CLNK: variants seen among roughly 807,000 people sequenced by gnomAD.
CLNK encodes the protein cytokine dependent hematopoietic cell linker.
Under a neutral mutation model 68.6 loss-of-function variants are expected in CLNK, and 74 were observed. The ratio of observed to expected loss-of-function variants is 1.08; its 90% CI spans 0.89 to 1.31. The LOEUF (loss-of-function observed/expected upper bound fraction) is 1.31. Among genes scored for constraint, CLNK ranks in the 50% most tolerant of loss-of-function variants. The pLI is 0.00. For synonymous variants in CLNK, 198 were observed against 172.2 expected (o/e 1.15, Z -1.17); for missense variants, 553 against 515.3 (o/e 1.07, Z -0.71).
At chr4:10,714,683 GGTGTGTGTGTGT>G in the CLNK span, among the ~76,000 whole-genome samples, 2 of 148,550 alleles carry the variant, frequency 1.3e-5, no homozygotes, top group African/African-American at 5.0e-5. Context: ...CATTCATTGT[GGTGTGTGTGTGT>G]GTGTGTGTGT....
chr4:10,691,885 T>G, the CLNK span, among the ~76,000 whole-genome samples: 1 of 152,148 alleles, frequency 6.6e-6, no homozygotes, highest in Non-Finnish European at 1.5e-5. Flanking sequence ...ATGTGATTAT[T>G]AATCTATGGG....
intron 13 of CLNK, among the ~76,000 whole-genome samples, chr4:10,526,166 A>T (rs1368778079): frequency 6.6e-6 from 1 of 151,968 alleles, no homozygotes; most frequent in Non-Finnish European, 1.5e-5. Context: ...ACATCATTGA[A>T]CCTCCCAAAA....
intron 2 of CLNK, among the ~76,000 whole-genome samples, chr4:10,634,841 C>G (rs948583985): frequency 6.8e-6 from 1 of 146,638 alleles, no homozygotes. Context: ...GAAAAAAAAT[C>G]TTTGGTAAAA....
intron 11 of CLNK, among the ~76,000 whole-genome samples, chr4:10,536,588 T>A (rs1718770208): frequency 6.6e-6 from 1 of 152,176 alleles, no homozygotes; most frequent in Admixed American, 6.5e-5. Context: ...TGACCTTAGG[T>A]GCCCAGTGAG....
chr4:10,667,812 CA>C (rs1577208211), intron 2 of CLNK, 46 bp downstream of exon 2: 2 of 1,541,294 alleles, frequency 1.3e-6, no homozygotes, highest in African/African-American at 1.4e-5. Flanking sequence ...CTCCTGTCCC[CA>C]CCAAGAAAAG....
At chr4:10,581,623 A>G (rs369715061) in intron 4 of CLNK, among the ~76,000 whole-genome samples, 2 of 150,836 alleles carry the variant, frequency 1.3e-5, no homozygotes, top group Admixed American at 6.6e-5. Flanking sequence ...TAGTAATACA[A>G]TCTCAGACTA....
chr4:10,679,517 G>A (rs1725009689), intron 1 of CLNK, among the ~76,000 whole-genome samples: 1 of 152,136 alleles, frequency 6.6e-6, no homozygotes, highest in Non-Finnish European at 1.5e-5. Flanking sequence ...TGACAAATGG[G>A]ATCTAATTAA....
intron 2 of CLNK, among the ~76,000 whole-genome samples, chr4:10,645,396 T>G (rs1213447980): frequency 6.6e-6 from 1 of 152,206 alleles, no homozygotes; most frequent in African/African-American, 2.4e-5. Flanking sequence ...CTTTTAACCC[T>G]ATTGTTTTGA....
At position 10,496,760 on chromosome 4, in the gene CLNK, T is replaced by C. The variant is rs543262696; in HGVS notation, c.1140+4496A>G. 2.6e-5 allele frequency among the ~76,000 whole-genome samples: 4 copies of C among 152,298 alleles called. No homozygotes were observed. In the South Asian group the frequency reaches 8.3e-4, roughly 32 times the overall value. On this transcript the variant is annotated intron_variant, in intron 18 of 18. Coordinates refer to ENST00000226951, the MANE Select transcript of CLNK (RefSeq NM_052964.4). ...GTTATGACAGGAAGTATCCTTTCTA[T>C]TTACATAGGGCCTACACTGAGTAAA...
chr4:10,719,912 A>G, the CLNK span, among the ~76,000 whole-genome samples: 1 of 152,144 alleles, frequency 6.6e-6, no homozygotes, highest in African/African-American at 2.4e-5. Flanking sequence ...TACCAGAAAA[A>G]TCCCCAGACA....
chr4:10,708,078 G>T, the CLNK span, among the ~76,000 whole-genome samples: 4 of 152,150 alleles, frequency 2.6e-5, no homozygotes, highest in Admixed American at 1.3e-4. Flanking sequence ...AAGAGACAAG[G>T]CAACAGTATG....
At chr4:10,517,306 A>G (rs1046870282) in intron 15 of CLNK, 2 of 152,204 alleles carry the variant, frequency 1.3e-5, no homozygotes, top group African/African-American at 2.4e-5. Flanking sequence ...AGTCAATACA[A>G]AGTAGGACAA....
At chr4:10,547,283 T>G (rs1719272146) in intron 8 of CLNK, among the ~76,000 whole-genome samples, 1 of 152,072 alleles carries the variant, frequency 6.6e-6, no homozygotes, top group Non-Finnish European at 1.5e-5. Flanking sequence ...GCCTTAACTG[T>G]GGTGAATCTT....
chr4:10,528,501 A>G (rs571073662), intron 12 of CLNK, among the ~76,000 whole-genome samples: 59 of 152,362 alleles, frequency 3.9e-4, no homozygotes, highest in African/African-American at 1.3e-3. Context: ...TTACTTTTAC[A>G]GAGTTAAATC....
intron 2 of CLNK, among the ~76,000 whole-genome samples, chr4:10,617,412 GA>G (rs1577171237): frequency 6.6e-6 from 1 of 152,228 alleles, no homozygotes; most frequent in South Asian, 2.1e-4. Context: ...CAAAAGGGGA[GA>G]AAAAAATTCC....
At position 10,513,520 on chromosome 4, in the gene CLNK, G is replaced by C. The variant is rs1377698021; in HGVS notation, c.850C>G (p.Leu284Val). The change falls in exon 16 of 19, where the codon CTG (leucine) becomes GTG (valine). Residue 284 changes from leucine (L) to valine (V), a missense_variant. Physicochemically the swap from Leu to Val is conservative, Grantham distance 32. Coordinates refer to ENST00000226951, the MANE Select transcript of CLNK (RefSeq NM_052964.4). ...CTCCAGCTTGTGTATTTATAGGGCAGTATATTTTCGTGAGGGCTGCAGCTG... is the reference window on the plus strand; with the variant it reads ...CTCCAGCTTGTGTATTTATAGGGCACTATATTTTCGTGAGGGCTGCAGCTG... ...PASCSPHENI[L>V]PYKYTSWRPP... The C allele has an allele frequency of 3.1e-6, 5 of 1,611,624 alleles. No homozygotes were observed. The highest frequency in any genetic ancestry group is 1.3e-5 in the African/African-American group (1 of 75,022).
intron 2 of CLNK, among the ~76,000 whole-genome samples, chr4:10,662,775 G>T (rs1724244077): frequency 6.6e-6 from 1 of 152,192 alleles, no homozygotes; most frequent in Non-Finnish European, 1.5e-5. Flanking sequence ...ACTGTAGCAA[G>T]TTAGTGCTGG....
chr4:10,634,921 C>G (rs1002810974), intron 2 of CLNK, among the ~76,000 whole-genome samples: 5 of 152,162 alleles, frequency 3.3e-5, no homozygotes, highest in African/African-American at 1.2e-4. Context: ...GGCCTCTCCC[C>G]CTTGCATGGC....
At chr4:10,731,693 C>T in the CLNK span, among the ~76,000 whole-genome samples, 2 of 152,118 alleles carry the variant, frequency 1.3e-5, no homozygotes, top group African/African-American at 2.4e-5. Flanking sequence ...CTTTTTGTTG[C>T]TGCGATATCA....
Sources: allele counts gnomAD v4.1 joint callset (sites outside exome capture counted in the v4.1 genomes callset), GRCh38; gene constraint gnomAD v4.1.1; transcripts MANE v1.5; gene names NCBI Gene and HGNC (gene_info 2026-07-23, HGNC 2026-07-21).